The following COPA variants were observed in gnomAD, a reference collection of about 807,000 sequenced individuals.
COPA encodes the protein coat protein complex I subunit alpha, also known as coatomer subunit alpha.
Under a neutral mutation model 158.7 loss-of-function variants are expected in COPA, and 10 were observed. The observed-to-expected ratio is 0.06, with a 90% CI of 0.04 to 0.11. The LOEUF is 0.11. Among genes scored for constraint, COPA ranks in the 10% least tolerant of loss-of-function variants. COPA has a pLI of 1.00. For missense variants in COPA, 1,065 were observed against 1,536.7 expected, an observed-to-expected ratio of 0.69 and a Z score of 5.13; for synonymous variants, 462 against 542.8, an observed-to-expected ratio of 0.85 and a Z score of 2.07.
chr1:160,315,335 G>A (rs183957371), intron 8 of COPA, among the ~76,000 whole-genome samples: 2 of 152,336 alleles, frequency 1.3e-5, no homozygotes, highest in Admixed American at 1.3e-4. Flanking sequence ...CAGAGAGAAA[G>A]CGGGGAGGCA....
intron 2 of COPA, 55 bp downstream of exon 2, chr1:160,340,126 C>G (rs1647968571): frequency 6.7e-7 from 1 of 1,496,848 alleles, no homozygotes; most frequent in South Asian, 1.1e-5. Context: ...CTTAAAATAC[C>G]CCAGGATATT....
At chr1:160,331,510 G>A (rs917562575) in intron 6 of COPA, among the ~76,000 whole-genome samples, 1 of 151,448 alleles carries the variant, frequency 6.6e-6, no homozygotes, top group Non-Finnish European at 1.5e-5. Context: ...AAAATTAGCT[G>A]TGCGTGGTGG....
rs752760466 is a variant in COPA, at chr1:160,294,885, T to C, written c.2477-28A>G. On this transcript the variant is annotated intron_variant, in intron 23 of 32. Coordinates refer to ENST00000241704, the MANE Select transcript of COPA (RefSeq NM_004371.4). ...ACAGAGGGAAGGAACAGAACGGAAC[T>C]GGTTATAGTCCAGCAAGTCTGAGAT... is the stretch of plus-strand genomic sequence containing the variant. 3 of 1,601,806 alleles carry C rather than the reference T, an allele frequency of 1.9e-6. No individual in the cohort carries two copies. In the South Asian group the frequency reaches 3.3e-5, roughly 18 times the overall value.
intron 5 of COPA, 39 bp from the exon 6 acceptor site, chr1:160,332,596 G>T: frequency 7.2e-7 from 1 of 1,397,946 alleles, no homozygotes; most frequent in Non-Finnish European, 9.9e-7. Flanking sequence ...ATTAGAGGTG[G>T]AAGTCAACAG....
At chr1:160,303,616 T>C (rs1364490137) in intron 17 of COPA, among the ~76,000 whole-genome samples, 1 of 152,184 alleles carries the variant, frequency 6.6e-6, no homozygotes, top group Non-Finnish European at 1.5e-5. Context: ...GGCTTTATGA[T>C]TTGGGAGTCA....
Position 160,310,198 on chromosome 1 carries a change from A to G in COPA, c.1137T>C (p.Leu379=), listed in dbSNP as rs772935346. The G allele has an allele frequency of 1.9e-5, 31 of 1,598,210 alleles. No individual in the cohort carries two copies. Among genetic ancestry groups the G allele is most frequent in the Non-Finnish European group, 2.6e-5 (30 of 1,171,986 alleles). The change falls in exon 12 of 33, where the codon CTT becomes CTC. Residue 379 remains leucine (L), a synonymous_variant. Coordinates refer to ENST00000241704, the MANE Select transcript of COPA (RefSeq NM_004371.4). ...SYNPAENAVL[L]CTRASNLENS... ...GGCTCCACAGGTTACTTACTGTACA[A>G]AGCAGGACTGCATTTTCTGCTGGAT... is the stretch of plus-strand genomic sequence containing the variant.
chr1:160,292,757 A>G, intron 27 of COPA, 137 bp from the exon 28 acceptor site: 1 of 657,212 alleles, frequency 1.5e-6, no homozygotes, highest in Non-Finnish European at 2.6e-6. Flanking sequence ...TACCTCATTT[A>G]ATGATACCTA....
intron 10 of COPA, 53 bp from the exon 11 acceptor site, chr1:160,312,071 C>A (rs1658986959): frequency 1.9e-6 from 3 of 1,584,134 alleles, no homozygotes; most frequent in Non-Finnish European, 2.6e-6. Context: ...AAGAAAAAAA[C>A]CTGGAAATTG....
intron 5 of COPA, 88 bp from the exon 6 acceptor site, chr1:160,332,645 GC>G: frequency 3.4e-6 from 3 of 892,276 alleles, no homozygotes; most frequent in Non-Finnish European, 5.0e-6. Context: ...TTCAATAAAT[GC>G]TTATCCAGTT....
intron 29 of COPA, 33 bp from the exon 30 acceptor site, chr1:160,291,962 A>C (rs1658251196): frequency 1.2e-6 from 2 of 1,614,020 alleles, no homozygotes; most frequent in Admixed American, 3.3e-5. Context: ...GGATACAGAG[A>C]CAAGAATGTG....
intron 6 of COPA, 26 bp downstream of exon 6, chr1:160,332,422 T>C (rs1557875087): frequency 3.2e-6 from 5 of 1,541,040 alleles, no homozygotes; most frequent in Non-Finnish European, 2.7e-6. Context: ...GATGACCAGG[T>C]TGTCCTCTGA....
intron 8 of COPA, among the ~76,000 whole-genome samples, chr1:160,319,110 G>A (rs1659251385): frequency 6.6e-6 from 1 of 152,048 alleles, no homozygotes; most frequent in African/African-American, 2.4e-5. Context: ...CGGATAAAGA[G>A]AGAAGACCTA....
intron 27 of COPA, 148 bp downstream of exon 27, chr1:160,293,018 G>T: frequency 1.2e-6 from 1 of 809,800 alleles, no homozygotes; most frequent in Non-Finnish European, 2.0e-6. Flanking sequence ...AGGAAGGCAA[G>T]TGTACTTAAC....
chr1:160,336,121 G>A (rs1447309843), intron 3 of COPA, among the ~76,000 whole-genome samples: 2 of 149,512 alleles, frequency 1.3e-5, no homozygotes, highest in Non-Finnish European at 2.9e-5. Flanking sequence ...CAAGGCAGGG[G>A]GATCACCTGA....
At chr1:160,307,320 C>G in intron 13 of COPA, 75 bp from the exon 14 acceptor site, 1 of 1,395,672 alleles carries the variant, frequency 7.2e-7, no homozygotes, top group Non-Finnish European at 1.0e-6. Flanking sequence ...TGCCATGGAG[C>G]TGCCAGTCTT....
At chr1:160,299,580 A>C (rs2101829906) in intron 17 of COPA, among the ~76,000 whole-genome samples, 1 of 152,342 alleles carries the variant, frequency 6.6e-6, no homozygotes, top group Middle Eastern at 3.4e-3. Context: ...ACTCCTTTAT[A>C]ATCTATAACT....
intron 8 of COPA, among the ~76,000 whole-genome samples, chr1:160,315,402 C>A (rs1346932093): frequency 6.6e-6 from 1 of 152,214 alleles, no homozygotes; most frequent in Admixed American, 6.5e-5. Flanking sequence ...AAGGAGATGC[C>A]AAATCAGAGT....
chr1:160,289,277 G>A lies in COPA; in HGVS notation c.*880C>T, dbSNP rs933637071. The A allele has an allele frequency of 2.6e-5, 4 of 152,106 alleles. No individual in the cohort carries two copies. The highest frequency in any genetic ancestry group is 5.9e-5 in the Non-Finnish European group (4 of 68,026). The allele number at this position is 152,106 out of a possible 1,614,324, so 9.4% of individuals were successfully genotyped here. On this transcript the variant is annotated 3_prime_UTR_variant, in exon 33 of 33. Coordinates refer to ENST00000241704, the MANE Select transcript of COPA (RefSeq NM_004371.4). ...TCCAAGAAATAAATGGCCAAGTCAAGAAGCTCTCATAGAGATTTATTTAGT... is the reference window on the plus strand; with the variant it reads ...TCCAAGAAATAAATGGCCAAGTCAAAAAGCTCTCATAGAGATTTATTTAGT...
Position 160,290,080 on chromosome 1 carries a change from GT to G in COPA, c.*76del. 1 of 1,286,530 alleles carries G rather than the reference GT, an allele frequency of 7.8e-7. No homozygotes were observed. Among genetic ancestry groups the G allele is most frequent in the Non-Finnish European group, 1.1e-6 (1 of 887,832 alleles). The allele number at this position is 1,286,530 out of a possible 1,614,324, so 79.7% of individuals were successfully genotyped here. ...TCTGAAGAGTAGCTGCAGGGGGAAG[GT>G]GCTGTTAGAAGGAGGATATAGACAC... On this transcript the variant is annotated 3_prime_UTR_variant, in exon 33 of 33. Coordinates refer to ENST00000241704, the MANE Select transcript of COPA (RefSeq NM_004371.4).
Sources: gnomAD v4.1 joint callset for allele counts (sites outside exome capture counted in the v4.1 genomes callset) on GRCh38, gnomAD v4.1.1 for gene constraint, MANE v1.5 for transcripts, NCBI Gene and HGNC (gene_info 2026-07-23, HGNC 2026-07-21) for gene names.